SHC3: variants seen among roughly 807,000 people sequenced by gnomAD.
SHC3 encodes the protein SHC-transforming protein 3.
In SHC3, 15 loss-of-function variants were observed where a neutral mutation model predicts 60.4. The observed-to-expected ratio is 0.25, with a 90% confidence interval of 0.17 to 0.38. The LOEUF (loss-of-function observed/expected upper bound fraction) is 0.38, where lower values mean the gene tolerates loss of function less well. Ranked by LOEUF, SHC3 falls within the 10% of genes least tolerant of loss-of-function variation. The pLI, the probability that SHC3 is intolerant of heterozygous loss-of-function variation, is 1.00. For synonymous variants in SHC3, 294 were observed against 325.9 expected (o/e 0.90, Z 1.05); for missense variants, 677 against 786.1 (o/e 0.86, Z 1.66).
chr9:89,090,356 C>T (rs1252798317), intron 2 of SHC3, among the ~76,000 whole-genome samples: 5 of 152,174 alleles, frequency 3.3e-5, no homozygotes, highest in South Asian at 2.1e-4. Flanking sequence ...GATGTGCCAA[C>T]GGCTTTGGAG....
chr9:89,018,039 G>A (rs1487235091), intron 11 of SHC3, among the ~76,000 whole-genome samples: 2 of 152,186 alleles, frequency 1.3e-5, no homozygotes, highest in Non-Finnish European at 2.9e-5. Flanking sequence ...TTACACTGTT[G>A]GTGGGAGTGT....
chr9:89,074,691 CAAAAAAAA>C (rs68051828), intron 4 of SHC3, among the ~76,000 whole-genome samples: 5 of 59,926 alleles, frequency 8.3e-5, no homozygotes, highest in Admixed American at 2.5e-4. Flanking sequence ...GCCACTAAAG[CAAAAAAAA>C]AAAAAAAAAA....
chr9:89,100,743 C>A (rs1373823814), intron 2 of SHC3, among the ~76,000 whole-genome samples: 2 of 152,170 alleles, frequency 1.3e-5, no homozygotes, highest in Non-Finnish European at 2.9e-5. Context: ...TAGTATGAAG[C>A]TTTTTGTATC....
In SHC3 at chr9:89,178,766, C is replaced by A; in HGVS notation, c.-306G>T. On this transcript the variant is annotated 5_prime_UTR_variant, in exon 1 of 12. It removes an upstream start codon present in the reference 5' UTR. Transcript: ENST00000375835. The surrounding 1 kb of genome is among the most constrained non-coding windows in gnomAD (Gnocchi z 6.9). Reference sequence around the variant, plus strand: ...TGCTTGGGGCTGCTCACAGCAAAAGCATGACTCACTCTGAGAGGAGACCCT... The same window carrying A: ...TGCTTGGGGCTGCTCACAGCAAAAGAATGACTCACTCTGAGAGGAGACCCT... The A allele has an allele frequency of 3.7e-6, 1 of 273,696 alleles. No individual in the cohort carries two copies. Among genetic ancestry groups the A allele is most frequent in the Non-Finnish European group, 6.8e-6 (1 of 146,114 alleles). The allele number at this position is 273,696 out of a possible 1,614,324, so 17.0% of individuals were successfully genotyped here.
intron 1 of SHC3, among the ~76,000 whole-genome samples, chr9:89,129,479 A>G (rs1242684818): frequency 2.6e-5 from 4 of 152,204 alleles, no homozygotes; most frequent in Non-Finnish European, 5.9e-5. Flanking sequence ...GTTGAAATGA[A>G]GGAAAATATG....
chr9:89,099,322 G>T, intron 2 of SHC3, among the ~76,000 whole-genome samples: 1 of 152,050 alleles, frequency 6.6e-6, no homozygotes, highest in East Asian at 1.9e-4. Context: ...AAACAAACAG[G>T]TAAGTGAAAT....
intron 11 of SHC3, among the ~76,000 whole-genome samples, chr9:89,023,119 C>T (rs1009419810): frequency 6.6e-6 from 1 of 152,170 alleles, no homozygotes; most frequent in Non-Finnish European, 1.5e-5. Flanking sequence ...CTATGAGAAG[C>T]GAACACTCAG....
Position 89,013,140 on chromosome 9 carries a change from A to AC in SHC3, c.*306dup, listed in dbSNP as rs1430675160. Reference sequence around the variant, plus strand: ...TTTTTGCCTGGACAACTACAGTTAAACTTATTTTTTTTTTTCATTAAAAAC... The same window carrying AC: ...TTTTTGCCTGGACAACTACAGTTAAACCTTATTTTTTTTTTTCATTAAAAAC... On this transcript the variant is annotated 3_prime_UTR_variant, in exon 12 of 12. Coordinates refer to ENST00000375835, the MANE Select transcript of SHC3 (RefSeq NM_016848.6). 10 of 125,060 alleles carry AC rather than the reference A, an allele frequency of 8.0e-5. No individual in the cohort carries two copies. Among genetic ancestry groups the AC allele is most frequent in the Non-Finnish European group, 1.6e-4 (10 of 60,822 alleles). The allele number at this position is 125,060 out of a possible 1,614,324, so 7.7% of individuals were successfully genotyped here. A position where few individuals can be genotyped will look rare whatever the true frequency, so the allele number is the denominator to read the frequency against.
intron 2 of SHC3, among the ~76,000 whole-genome samples, chr9:89,082,908 T>C (rs1415315475): frequency 1.3e-5 from 2 of 152,210 alleles, no homozygotes; most frequent in African/African-American, 4.8e-5. Context: ...TATAGATAGA[T>C]ACCACACCCA....
intron 5 of SHC3, among the ~76,000 whole-genome samples, chr9:89,066,963 C>T (rs1046481413): frequency 6.6e-6 from 1 of 152,120 alleles, no homozygotes; most frequent in Non-Finnish European, 1.5e-5. Context: ...TTACACAGCC[C>T]AACAAGACCA....
In SHC3 at chr9:89,178,313, C is replaced by G. The variant is rs572484716; in HGVS notation, c.148G>C (p.Gly50Arg). The change falls in exon 1 of 12, where the codon GGC becomes CGC. Residue 50 changes from glycine to arginine, a missense_variant. Physicochemically the swap from Gly to Arg is moderately radical, Grantham distance 125. Transcript: ENST00000375835. The surrounding 1 kb of genome is among the most constrained non-coding windows in gnomAD (Gnocchi z 6.9). Reference sequence around the variant, plus strand: ...TCGGGCGCCTTGCGCAGCGCCTCGCCGGACACCAAGTAGGGAGCCGCCGCC... The same window carrying G: ...TCGGGCGCCTTGCGCAGCGCCTCGCGGGACACCAAGTAGGGAGCCGCCGCC... The part of the protein sequence containing the change: ...TPAAAPYLVS[G>R]EALRKAPDDG... 6 of 1,590,626 alleles carry G rather than the reference C, an allele frequency of 3.8e-6. No homozygotes were observed. Among genetic ancestry groups the G allele is most frequent in the South Asian group, 1.1e-5 (1 of 88,378 alleles).
intron 2 of SHC3, among the ~76,000 whole-genome samples, chr9:89,095,712 C>T (rs1472591726): frequency 6.6e-6 from 1 of 152,128 alleles, no homozygotes; most frequent in Non-Finnish European, 1.5e-5. Context: ...GGCACAGTCA[C>T]AGGGCTCAGT....
chr9:89,149,086 G>A (rs900229985), intron 1 of SHC3, among the ~76,000 whole-genome samples: 1 of 152,178 alleles, frequency 6.6e-6, no homozygotes, highest in African/African-American at 2.4e-5. Context: ...GAGAGGGCAT[G>A]GATTTTGGAC....
chr9:89,164,278 A>T (rs972371075), intron 1 of SHC3, among the ~76,000 whole-genome samples: 6 of 152,102 alleles, frequency 3.9e-5, no homozygotes, highest in Non-Finnish European at 7.4e-5. Flanking sequence ...AGCTCTGGAG[A>T]CCCTGAGCAG....
intron 2 of SHC3, among the ~76,000 whole-genome samples, chr9:89,090,553 C>A (rs1045546499): frequency 6.6e-6 from 1 of 152,142 alleles, no homozygotes; most frequent in South Asian, 2.1e-4. Flanking sequence ...GGGAGGCTTC[C>A]CCCAGGAGGT....
intron 4 of SHC3, among the ~76,000 whole-genome samples, chr9:89,074,329 G>A (rs774650113): frequency 1.3e-5 from 2 of 152,068 alleles, no homozygotes; most frequent in Non-Finnish European, 2.9e-5. Flanking sequence ...AAGCTGAGCC[G>A]GGGCACAGCA....
chr9:89,156,605 C>T (rs944630854), intron 1 of SHC3, among the ~76,000 whole-genome samples: 3 of 152,134 alleles, frequency 2.0e-5, no homozygotes, highest in Non-Finnish European at 2.9e-5. Flanking sequence ...ACTAAAGTCA[C>T]AAGATGTTTG....
intron 2 of SHC3, among the ~76,000 whole-genome samples, chr9:89,108,017 G>A (rs1458070855): frequency 2.0e-5 from 3 of 152,046 alleles, no homozygotes; most frequent in African/African-American, 2.4e-5. Flanking sequence ...TTCTATGCTC[G>A]CATATGACAG....
At chr9:89,027,144 G>C (rs1394674961) in intron 11 of SHC3, among the ~76,000 whole-genome samples, 1 of 152,198 alleles carries the variant, frequency 6.6e-6, no homozygotes, top group Non-Finnish European at 1.5e-5. Flanking sequence ...ACAGCTCTGA[G>C]TTCCCCTGGG....
Sources: gnomAD v4.1 joint callset for allele counts (sites outside exome capture counted in the v4.1 genomes callset) on GRCh38, gnomAD v4.1.1 for gene constraint, Gnocchi (gnomAD v3.1) non-coding constraint, MANE v1.5 for transcripts, NCBI Gene and HGNC (gene_info 2026-07-23, HGNC 2026-07-21) for gene names.